Variants in ZFYVE9 observed in about 807,000 individuals in gnomAD.
ZFYVE9 encodes zinc finger FYVE domain-containing protein 9.
In ZFYVE9, 43 loss-of-function variants were observed where a neutral mutation model predicts 126.7. The observed-to-expected ratio is 0.34, with a 90% CI of 0.27 to 0.44. ZFYVE9 has a LOEUF of 0.44. Among genes scored for constraint, ZFYVE9 ranks in the 20% least tolerant of loss-of-function variants. The pLI is 1.00. For missense variants in ZFYVE9, 1,476 were observed against 1,697.0 expected (o/e 0.87, Z 2.29); for synonymous variants, 521 against 597.4 (o/e 0.87, Z 1.87).
intron 7 of ZFYVE9, among the ~76,000 whole-genome samples, 184 bp downstream of exon 7, chr1:52,268,816 G>GT (rs1283480655): frequency 6.6e-6 from 1 of 152,172 alleles, no homozygotes; most frequent in African/African-American, 2.4e-5. Flanking sequence ...ATATTTAGAA[G>GT]TTTTTTCAGG....
At chr1:52,343,134 G>C (rs1165194755) in intron 17 of ZFYVE9, among the ~76,000 whole-genome samples, 1 of 151,396 alleles carries the variant, frequency 6.6e-6, no homozygotes, top group African/African-American at 2.4e-5. Flanking sequence ...GTGTTAGCCA[G>C]GATGATCTTG....
At chr1:52,224,592 A>G (rs1645152798) in intron 2 of ZFYVE9, among the ~76,000 whole-genome samples, 1 of 152,106 alleles carries the variant, frequency 6.6e-6, no homozygotes, top group African/African-American at 2.4e-5. Context: ...CATTTTACCC[A>G]AACTCTGGCC....
At chr1:52,153,834 G>A (rs1371121088) in intron 1 of ZFYVE9, among the ~76,000 whole-genome samples, 2 of 152,194 alleles carry the variant, frequency 1.3e-5, no homozygotes, top group Admixed American at 1.3e-4. Context: ...AGATCATTGG[G>A]AATGATGGCG....
intron 5 of ZFYVE9, among the ~76,000 whole-genome samples, chr1:52,266,414 A>T (rs1195072807): frequency 3.5e-5 from 5 of 144,456 alleles, no homozygotes; most frequent in East Asian, 1.9e-4. Flanking sequence ...TTAAAAAAAA[A>T]AAAAAAAAAA....
chr1:52,248,545 C>A (rs1369752460), intron 4 of ZFYVE9, among the ~76,000 whole-genome samples: 1 of 152,170 alleles, frequency 6.6e-6, no homozygotes, highest in Non-Finnish European at 1.5e-5. Flanking sequence ...AGGCATTCCT[C>A]AATCCAGTCA....
chr1:52,169,398 T>A (rs1557434945), intron 1 of ZFYVE9, among the ~76,000 whole-genome samples: 4 of 152,174 alleles, frequency 2.6e-5, no homozygotes, highest in African/African-American at 9.7e-5. Context: ...AGACACTGTC[T>A]GAATAAAATA....
rs779603894 is a variant in ZFYVE9, at chr1:52,274,524, A to G, written c.2686A>G (p.Met896Val). The G allele has an allele frequency of 5.6e-6, 9 of 1,612,758 alleles. No homozygotes were observed. Among genetic ancestry groups the G allele is most frequent in the Admixed American group, 1.7e-5 (1 of 60,000 alleles). Residue 896 changes from methionine to valine, a missense_variant, in exon 8 of 19, where the codon ATG (methionine) becomes GTG (valine). Met to Val is a conservative substitution (Grantham distance 21, BLOSUM62 1). This residue lies in a region of ZFYVE9 where 669 missense variants were observed against 902.4 expected (regional missense o/e 0.74). Transcript: ENST00000287727. ...GGTTGGAAGTCCTGTTGGAAGTGCA[A>G]TGAATCTTATTCCTGAAGATGGCCT... ...TQVGSPVGSA[M>V]NLIPEDGLPP... is the part of the protein sequence containing the mutation.
At chr1:52,177,656 A>T (rs552411424) in intron 1 of ZFYVE9, among the ~76,000 whole-genome samples, 9 of 152,368 alleles carry the variant, frequency 5.9e-5, no homozygotes, top group Admixed American at 5.9e-4. Context: ...CCATCTGGAG[A>T]GATCGAGGAA....
intron 2 of ZFYVE9, among the ~76,000 whole-genome samples, chr1:52,218,241 G>A (rs1645089614): frequency 6.6e-6 from 1 of 152,056 alleles, no homozygotes; most frequent in Non-Finnish European, 1.5e-5. Flanking sequence ...CAGTTGCTTG[G>A]CAGTGTACCA....
At chr1:52,224,598 T>C (rs960224345) in intron 2 of ZFYVE9, among the ~76,000 whole-genome samples, 1 of 152,186 alleles carries the variant, frequency 6.6e-6, no homozygotes, top group Non-Finnish European at 1.5e-5. Context: ...ACCCAAACTC[T>C]GGCCAAAAGA....
In ZFYVE9 at chr1:52,237,678, C is replaced by T; in HGVS notation, c.261C>T (p.His87=). ...CCCTGACCACAGAGGAAGAGGATCA[C>T]TGTGCTAATGGACAGGACTGTAATC... The part of the protein sequence containing the change: ...SAPLTTEEED[H]CANGQDCNLN... The change falls in exon 4 of 19, where the codon CAC becomes CAT. Residue 87 remains histidine (H), a synonymous_variant. Coordinates refer to ENST00000287727, the MANE Select transcript of ZFYVE9 (RefSeq NM_004799.4). 1 of 1,614,088 alleles carries T rather than the reference C, an allele frequency of 6.2e-7. No homozygotes were observed. Among genetic ancestry groups the T allele is most frequent in the Non-Finnish European group, 8.5e-7 (1 of 1,179,968 alleles).
intron 4 of ZFYVE9, among the ~76,000 whole-genome samples, chr1:52,245,931 T>C (rs1421988311): frequency 2.0e-5 from 3 of 152,214 alleles, no homozygotes; most frequent in African/African-American, 7.2e-5. Context: ...CCATAATTTT[T>C]ATTTTTAATT....
In ZFYVE9 at chr1:52,224,078, A is replaced by G. The variant is rs575869369; in HGVS notation, c.-37+7604A>G. On this transcript the variant is annotated intron_variant, in intron 2 of 18. Coordinates refer to ENST00000287727, the MANE Select transcript of ZFYVE9 (RefSeq NM_004799.4). Reference sequence around the variant, plus strand: ...AGTTAAGGGGGCATTTACAAAGCCAATATCCCCTCCTCCTAGTGGTACTTC... The same window carrying G: ...AGTTAAGGGGGCATTTACAAAGCCAGTATCCCCTCCTCCTAGTGGTACTTC... 2.0e-5 allele frequency among the ~76,000 whole-genome samples: 3 copies of G among 152,254 alleles called. No homozygotes were observed. In the East Asian group the frequency reaches 5.8e-4, roughly 29 times the overall value.
At chr1:52,206,437 TATTA>T (rs1644978708) in intron 1 of ZFYVE9, among the ~76,000 whole-genome samples, 1 of 152,254 alleles carries the variant, frequency 6.6e-6, no homozygotes, top group African/African-American at 2.4e-5. Context: ...GCTAATATGG[TATTA>T]ATTAATATTT....
At chr1:52,170,449 ATTCAT>A (rs1267331500) in intron 1 of ZFYVE9, among the ~76,000 whole-genome samples, 1 of 151,976 alleles carries the variant, frequency 6.6e-6, no homozygotes, top group Non-Finnish European at 1.5e-5. Flanking sequence ...TTCATTTCAA[ATTCAT>A]TTCTTTTTTC....
intron 1 of ZFYVE9, among the ~76,000 whole-genome samples, chr1:52,160,779 T>G (rs966979857): frequency 6.6e-6 from 1 of 152,220 alleles, no homozygotes; most frequent in Non-Finnish European, 1.5e-5. Flanking sequence ...ATTTTTCTTA[T>G]TTTCTCTTGA....
intron 14 of ZFYVE9, among the ~76,000 whole-genome samples, chr1:52,334,165 T>TA (rs1319704804): frequency 2.0e-5 from 3 of 152,124 alleles, no homozygotes; most frequent in Admixed American, 1.3e-4. Flanking sequence ...ATATTTGATC[T>TA]AAAAAAATCT....
chr1:52,217,177 A>G (rs1309102426), intron 2 of ZFYVE9, among the ~76,000 whole-genome samples: 1 of 152,246 alleles, frequency 6.6e-6, no homozygotes, highest in Non-Finnish European at 1.5e-5. Context: ...TTTTAACCCT[A>G]ACACAGTTCC....
chr1:52,189,241 T>A (rs1201499836), intron 1 of ZFYVE9, among the ~76,000 whole-genome samples: 2 of 150,648 alleles, frequency 1.3e-5, no homozygotes, highest in Non-Finnish European at 3.0e-5. Flanking sequence ...CCAGCCTATT[T>A]TTTTTTTTTT....
Sources: gnomAD v4.1 joint callset for allele counts (sites outside exome capture counted in the v4.1 genomes callset) on GRCh38, gnomAD v4.1.1 for gene constraint, gnomAD v4.1.1 regional missense constraint, MANE v1.5 for transcripts, NCBI Gene and HGNC (gene_info 2026-07-23, HGNC 2026-07-21) for gene names.